The following PDGFRB variants were observed in gnomAD, a reference collection of about 807,000 sequenced individuals.
The protein encoded by PDGFRB is platelet-derived growth factor receptor beta.
Under a neutral mutation model 120.2 loss-of-function variants are expected in PDGFRB, and 42 were observed. The ratio of observed to expected loss-of-function variants is 0.35; its 90% CI spans 0.27 to 0.45. The LOEUF (loss-of-function observed/expected upper bound fraction) is 0.45. Among genes scored for constraint, PDGFRB ranks in the 20% least tolerant of loss-of-function variants. The pLI is 1.00. For missense variants in PDGFRB, 1,149 were observed against 1,476.3 expected, an observed-to-expected ratio of 0.78 and a Z score of 3.63; for synonymous variants, 586 against 606.8, an observed-to-expected ratio of 0.97 and a Z score of 0.50.
chr5:150,137,326 C>G (rs891967285), intron 1 of PDGFRB: 18 of 412,732 alleles, frequency 4.4e-5, no homozygotes, highest in African/African-American at 3.7e-4. Flanking sequence ...TCCCCAGACT[C>G]TCTCTGTGCC....
intron 1 of PDGFRB, among the ~76,000 whole-genome samples, chr5:150,141,978 G>A (rs1027608263): frequency 2.0e-5 from 3 of 151,980 alleles, no homozygotes; most frequent in African/African-American, 7.3e-5. Context: ...GCAGGGAGAG[G>A]GGGGTGCTGG....
chr5:150,126,656 G>A (rs2113898426), intron 10 of PDGFRB, 42 bp from the exon 11 acceptor site: 4 of 1,046,788 alleles, frequency 3.8e-6, no homozygotes, highest in Non-Finnish European at 6.0e-6. Context: ...AAACTGGGCA[G>A]CTACCCTCCC....
intron 1 of PDGFRB, among the ~76,000 whole-genome samples, chr5:150,152,196 C>T (rs541191407): frequency 2.6e-5 from 4 of 152,186 alleles, no homozygotes; most frequent in East Asian, 1.9e-4. Flanking sequence ...TGTGAGCCAC[C>T]GTGCCCAGCC....
chr5:150,155,770 A>T lies in PDGFRB; in HGVS notation c.-380T>A, dbSNP rs1761215114. ...GCCGGCTCTCTCCTCCTCCTTGTTG[A>T]TCTCCTCTCTGGCTCCAAGTTGCTC... On this transcript the variant is annotated 5_prime_UTR_variant, in exon 1 of 23. Coordinates refer to ENST00000261799, the MANE Select transcript of PDGFRB (RefSeq NM_002609.4). 2 of 398,300 alleles carry T rather than the reference A, an allele frequency of 5.0e-6. No individual in the cohort carries two copies. The highest frequency in any genetic ancestry group is 8.8e-6 in the Non-Finnish European group (2 of 226,104). 24.7% of individuals were successfully genotyped at this position (398,300 alleles called of 1,614,324 possible).
At chr5:150,128,835 T>C (rs1760369060) in intron 10 of PDGFRB, among the ~76,000 whole-genome samples, 1 of 152,240 alleles carries the variant, frequency 6.6e-6, no homozygotes, top group South Asian at 2.1e-4. Flanking sequence ...CTCTGGACTA[T>C]GGGTACTAGG....
rs1761204267 is a variant in PDGFRB, at chr5:150,155,415, T to C, written c.-25A>G. ...CACTTACCTTGCTGCTGATGGCTTC[T>C]GGTGTGGGCACAGTTCCAGGCTCTG... On this transcript the variant is annotated 5_prime_UTR_variant, in exon 1 of 23. Coordinates refer to ENST00000261799, the MANE Select transcript of PDGFRB (RefSeq NM_002609.4). The C allele has an allele frequency of 2.5e-6, 1 of 393,414 alleles. No homozygotes were observed. The highest frequency in any genetic ancestry group is 3.6e-5 in the East Asian group (1 of 27,774). The allele number at this position is 393,414 out of a possible 1,614,324, so 24.4% of individuals were successfully genotyped here. A position where few individuals can be genotyped will look rare whatever the true frequency, so the allele number is the denominator to read the frequency against.
intron 1 of PDGFRB, among the ~76,000 whole-genome samples, chr5:150,143,665 G>C (rs781615816): frequency 6.6e-6 from 1 of 152,200 alleles, no homozygotes; most frequent in Non-Finnish European, 1.5e-5. Flanking sequence ...TGAGATGTGG[G>C]TGTGATTGGG....
chr5:150,133,994 C>T lies in PDGFRB; in HGVS notation c.646G>A (p.Val216Ile), dbSNP rs370817438. The T allele has an allele frequency of 3.8e-5, 61 of 1,613,908 alleles. No individual in the cohort carries two copies. Among genetic ancestry groups the T allele is most frequent in the Non-Finnish European group, 4.8e-5 (57 of 1,179,976 alleles). The part of the protein sequence containing the change: ...VYRLQVSSIN[V>I]SVNAVQTVVR... ...ACAGTCTGCACTGCGTTCACAGAGA[C>T]GTTGATGGATGACACTGGTAGAGAG... Residue 216 changes from valine (V) to isoleucine (I), a missense_variant, in exon 5 of 23, where the codon GTC becomes ATC. Val to Ile is a conservative substitution (Grantham distance 29). Transcript: ENST00000261799.
At position 150,115,417 on chromosome 5, in the gene PDGFRB, A is replaced by G. The variant is rs1207388292; in HGVS notation, c.*346T>C. ...ACTCCAAGAATCTTCCCAGGGAGGG[A>G]TTCGGTCTCCCCACCTGTCAGCCAG... On this transcript the variant is annotated 3_prime_UTR_variant, in exon 23 of 23. Coordinates refer to ENST00000261799, the MANE Select transcript of PDGFRB (RefSeq NM_002609.4). 1.2e-5 allele frequency: 3 copies of G among 259,386 alleles called. No homozygotes were observed. In the East Asian group the frequency reaches 1.7e-4, roughly 15 times the overall value. The allele number at this position is 259,386 out of a possible 1,614,324, so 16.1% of individuals were successfully genotyped here.
At position 150,117,778 on chromosome 5, in the gene PDGFRB, G is replaced by A. The variant is rs1162964047; in HGVS notation, c.2977C>T (p.Pro993Ser). 2 of 1,613,932 alleles carry A rather than the reference G, an allele frequency of 1.2e-6. No individual in the cohort carries two copies. Among genetic ancestry groups the A allele is most frequent in the South Asian group, 2.2e-5 (2 of 91,078 alleles). The part of the protein sequence containing the change: ...PAILRSQARL[P>S]GFHGLRSPLD... The stretch of plus-strand genomic sequence containing the variant: ...GGAGATCGGAGGCCATGGAACCCAG[G>A]CAAGCGGGCCTGGGACCGAAGGATG... Residue 993 changes from proline to serine, a missense_variant, in exon 22 of 23, where the codon CCT (proline) becomes TCT (serine). Physicochemically the swap from Pro to Ser is moderately conservative, Grantham distance 74. Around this residue, in one of 3 missense-constraint regions of PDGFRB, gnomAD observed 202 missense variants for 214.3 expected, o/e 0.94. Transcript: ENST00000261799.
At position 150,135,674 on chromosome 5, in the gene PDGFRB, G is replaced by A. The variant is rs1297813606; in HGVS notation, c.245C>T (p.Ser82Phe). The change falls in exon 3 of 23, where the codon TCC (serine) becomes TTC (phenylalanine). Residue 82 changes from serine to phenylalanine, a missense_variant. Physicochemically the swap from Ser to Phe is radical, Grantham distance 155. Coordinates refer to ENST00000261799, the MANE Select transcript of PDGFRB (RefSeq NM_002609.4). ...GAGGTTGGTCAGTGTGAGCACGCTG[G>A]AGAAGGTGCCATCCTGGGCCTTGGC... Reference protein sequence around the residue: ...EMAKAQDGTFSSVLTLTNLTG... With the variant: ...EMAKAQDGTFFSVLTLTNLTG... 6.2e-7 allele frequency: 1 copy of A among 1,614,046 alleles called. No homozygotes were observed. Among genetic ancestry groups the A allele is most frequent in the Non-Finnish European group, 8.5e-7 (1 of 1,179,888 alleles).
chr5:150,129,997 C>T lies in PDGFRB; in HGVS notation c.1368-29G>A, dbSNP rs1274176305. ...CCAGGAGAGCCGGTAGGGTTGGCTG[C>T]CAGCCCCTTCCCCTTGCAGACAGGG... On this transcript the variant is annotated intron_variant, in intron 9 of 22. Coordinates refer to ENST00000261799, the MANE Select transcript of PDGFRB (RefSeq NM_002609.4). 2.6e-6 allele frequency: 4 copies of T among 1,552,596 alleles called. No homozygotes were observed. The South Asian group carries it at 3.3e-5, about 13-fold the overall frequency.
chr5:150,140,585 C>G (rs1760757039), intron 1 of PDGFRB, among the ~76,000 whole-genome samples: 1 of 152,184 alleles, frequency 6.6e-6, no homozygotes, highest in Non-Finnish European at 1.5e-5. Context: ...CTTAGGGGAG[C>G]AGAGTGAGGA....
intron 15 of PDGFRB, among the ~76,000 whole-genome samples, chr5:150,122,714 C>T (rs1030610857): frequency 1.3e-5 from 2 of 152,190 alleles, no homozygotes; most frequent in East Asian, 1.9e-4. Flanking sequence ...CAGCCTGGAG[C>T]ACCACTGTGC....
rs919387713 is a variant in PDGFRB at position 150,121,820 on chromosome 5, G to A, written c.2344+60C>T. The stretch of plus-strand genomic sequence containing the variant: ...CTTCTCAGGGTTTTTGGCAAGGCTG[G>A]GCATGTGAAGAGCATCAGCCTGTTT... On this transcript the variant is annotated intron_variant, in intron 16 of 22. Coordinates refer to ENST00000261799, the MANE Select transcript of PDGFRB (RefSeq NM_002609.4). The surrounding 1 kb of genome is among the most constrained non-coding windows in gnomAD (Gnocchi z 4.1). The A allele has an allele frequency of 2.3e-6, 3 of 1,300,702 alleles. No individual in the cohort carries two copies. The highest frequency in any genetic ancestry group is 1.4e-5 in the African/African-American group (1 of 69,160). 80.6% of individuals were successfully genotyped at this position (1,300,702 alleles called of 1,614,324 possible).
At chr5:150,153,535 T>G (rs1761139938) in intron 1 of PDGFRB, 1 of 152,230 alleles carries the variant, frequency 6.6e-6, no homozygotes, top group South Asian at 2.1e-4. Flanking sequence ...GATCTCAGCT[T>G]CCTCATCTAC....
At chr5:150,145,865 G>A (rs1562025968) in intron 1 of PDGFRB, among the ~76,000 whole-genome samples, 4 of 152,280 alleles carry the variant, frequency 2.6e-5, no homozygotes, top group Non-Finnish European at 1.5e-5. Flanking sequence ...CAACAAGAGT[G>A]AAACTCCGTC....
At position 150,135,607 on chromosome 5, in the gene PDGFRB, G is replaced by A. The variant is rs148534675; in HGVS notation, c.312C>T (p.Asp104=). ...DTGEYFCTHN[D]SRGLETDERK... is the part of the protein sequence containing the mutation. Reference sequence around the variant, plus strand: ...GCTCATCGGTCTCCAGTCCACGGGAGTCATTGTGGGTGCAAAAGTATTCTC... The same window carrying A: ...GCTCATCGGTCTCCAGTCCACGGGAATCATTGTGGGTGCAAAAGTATTCTC... Residue 104 remains aspartate, a synonymous_variant, in exon 3 of 23, where the codon GAC becomes GAT. Transcript: ENST00000261799. 32 of 1,613,762 alleles carry A rather than the reference G, an allele frequency of 2.0e-5. No individual in the cohort carries two copies. The African/African-American group carries it at 4.0e-4, about 20-fold the overall frequency.
chr5:150,131,821 G>A (rs1341217133), intron 8 of PDGFRB, among the ~76,000 whole-genome samples, 158 bp downstream of exon 8: 1 of 152,218 alleles, frequency 6.6e-6, no homozygotes, highest in Non-Finnish European at 1.5e-5. Flanking sequence ...CAGAGGCCAG[G>A]TTCACACGGC....
Sources: gnomAD v4.1 joint callset for allele counts (sites outside exome capture counted in the v4.1 genomes callset) on GRCh38, gnomAD v4.1.1 for gene constraint, gnomAD v4.1.1 regional missense constraint, Gnocchi (gnomAD v3.1) non-coding constraint, MANE v1.5 for transcripts, NCBI Gene and HGNC (gene_info 2026-07-23, HGNC 2026-07-21) for gene names.